The following RNF24 variants were observed in gnomAD, a reference collection of about 807,000 sequenced individuals.
RNF24 encodes the protein ring finger protein 24.
In RNF24, 14 loss-of-function variants were observed where a neutral mutation model predicts 20.0. The observed-to-expected ratio is 0.70, with a 90% CI of 0.46 to 1.10. The LOEUF is 1.10. Ranked by LOEUF, RNF24 falls within the 50% of genes least tolerant of loss-of-function variation. The probability of loss-of-function intolerance (pLI) is 0.00; values close to 1 mark genes in which losing one functional copy is unlikely to be tolerated. For missense variants in RNF24, 124 were observed against 177.6 expected (o/e 0.70, Z 1.71); for synonymous variants, 45 against 61.1 (o/e 0.74, Z 1.23).
rs116881365 is a variant in RNF24, at chr20:3,983,094, T to C, written c.-7-19070A>G. On this transcript the variant is annotated intron_variant, in intron 1 of 5. Coordinates refer to ENST00000358395, the MANE Select transcript of RNF24 (RefSeq NM_001134337.3). ...ATGATGCAGCAGGTACCTTGCCAGATGCCAGTATCTTGATCTTGAACTTCT... is the reference window on the plus strand; with the variant it reads ...ATGATGCAGCAGGTACCTTGCCAGACGCCAGTATCTTGATCTTGAACTTCT... Among the ~76,000 whole-genome samples the C allele has an allele frequency of 2.6e-5, 4 of 152,340 alleles. No individual in the cohort carries two copies. In the East Asian group the frequency reaches 7.7e-4, roughly 29 times the overall value.
Position 4,010,281 on chromosome 20 carries a change from G to A in RNF24, c.-8+5156C>T, listed in dbSNP as rs1982351163. 3.3e-5 allele frequency among the ~76,000 whole-genome samples: 5 copies of A among 152,122 alleles called. No individual in the cohort carries two copies. In the South Asian group the frequency reaches 6.2e-4, roughly 19 times the overall value. Reference sequence around the variant, plus strand: ...CCAGCTACTCGGGAGGCTGAGGCAGGAGAATTGCTTGAACCCGGGAAGCAG... The same window carrying A: ...CCAGCTACTCGGGAGGCTGAGGCAGAAGAATTGCTTGAACCCGGGAAGCAG... On this transcript the variant is annotated intron_variant, in intron 1 of 5. Coordinates refer to ENST00000358395, the MANE Select transcript of RNF24 (RefSeq NM_001134337.3).
intron 1 of RNF24, among the ~76,000 whole-genome samples, chr20:4,003,135 A>G (rs1320589835): frequency 6.6e-6 from 1 of 151,908 alleles, no homozygotes; most frequent in Non-Finnish European, 1.5e-5. Context: ...GCGCCCGGCT[A>G]ATTTTTTTGT....
At chr20:3,992,495 A>C (rs759123908) in intron 1 of RNF24, among the ~76,000 whole-genome samples, 1 of 151,684 alleles carries the variant, frequency 6.6e-6, no homozygotes, top group Non-Finnish European at 1.5e-5. Context: ...ATTTCATCAC[A>C]GGTACCTGGT....
chr20:3,974,224 A>G, intron 1 of RNF24: 1 of 1,103,870 alleles, frequency 9.1e-7, no homozygotes, highest in South Asian at 1.7e-5. Flanking sequence ...CTTCTTCAAC[A>G]TGTTAAAAAG....
At chr20:3,999,638 C>T (rs1210346257) in intron 1 of RNF24, among the ~76,000 whole-genome samples, 1 of 152,162 alleles carries the variant, frequency 6.6e-6, no homozygotes, top group Non-Finnish European at 1.5e-5. Flanking sequence ...CCTGTAATCC[C>T]AGCTACTCAG....
intron 1 of RNF24, among the ~76,000 whole-genome samples, chr20:4,013,744 C>G (rs1272841441): frequency 6.6e-6 from 1 of 152,148 alleles, no homozygotes; most frequent in Non-Finnish European, 1.5e-5. Context: ...CTCGGCCCCC[C>G]AAAGTGCTGG....
intron 4 of RNF24, among the ~76,000 whole-genome samples, chr20:3,944,789 C>T (rs981902523): frequency 2.6e-5 from 4 of 152,198 alleles, no homozygotes; most frequent in Non-Finnish European, 5.9e-5. Flanking sequence ...TCAATCCCTA[C>T]CCCCATGAGA....
In RNF24 at chr20:3,933,135, G is replaced by C. The variant is rs1024087467; in HGVS notation, c.*928C>G. ...GCAAGAGAGAGAAGAGATGGAAGGA[G>C]GGGGAGAGGCCAAAGGGTCGGCATT... On this transcript the variant is annotated 3_prime_UTR_variant, in exon 6 of 6. Coordinates refer to ENST00000358395, the MANE Select transcript of RNF24 (RefSeq NM_001134337.3). 2 of 397,808 alleles carry C rather than the reference G, an allele frequency of 5.0e-6. No homozygotes were observed. Among genetic ancestry groups the C allele is most frequent in the Non-Finnish European group, 4.4e-6 (1 of 225,914 alleles). 24.6% of individuals were successfully genotyped at this position (397,808 alleles called of 1,614,324 possible).
intron 2 of RNF24, among the ~76,000 whole-genome samples, chr20:3,953,570 G>A (rs2091107094): frequency 7.4e-6 from 1 of 135,342 alleles, no homozygotes; most frequent in Non-Finnish European, 1.6e-5. Flanking sequence ...GTTCAAGCAA[G>A]TCCCCTGCCT....
At chr20:3,992,813 T>G (rs551755974) in intron 1 of RNF24, among the ~76,000 whole-genome samples, 1 of 152,346 alleles carries the variant, frequency 6.6e-6, no homozygotes, top group Non-Finnish European at 1.5e-5. Flanking sequence ...AGGCTAGACA[T>G]TGGCTTAAAT....
intron 1 of RNF24, among the ~76,000 whole-genome samples, chr20:3,978,474 G>T (rs1246622456): frequency 1.3e-5 from 2 of 151,978 alleles, no homozygotes; most frequent in Non-Finnish European, 2.9e-5. Context: ...ATTATACATT[G>T]TACACATATA....
intron 1 of RNF24, among the ~76,000 whole-genome samples, chr20:4,014,741 A>G (rs3835373): frequency 0.012 from 969 of 79,194 alleles, 13 homozygotes; most frequent in African/African-American, 0.07. Flanking sequence ...TTGAATGCGC[A>G]CACACACACA....
chr20:3,973,287 G>C (rs530137560), intron 1 of RNF24, among the ~76,000 whole-genome samples: 87 of 151,854 alleles, frequency 5.7e-4, no homozygotes, highest in African/African-American at 2.0e-3. Context: ...GGCAATTCAT[G>C]GTACTAAACG....
chr20:3,965,826 C>A (rs1468817685), intron 1 of RNF24, among the ~76,000 whole-genome samples: 1 of 152,058 alleles, frequency 6.6e-6, no homozygotes, highest in Admixed American at 6.6e-5. Context: ...GGTAAAATAT[C>A]TCTCACCTTA....
intron 1 of RNF24, among the ~76,000 whole-genome samples, chr20:3,976,158 C>T (rs1454306629): frequency 6.6e-6 from 1 of 152,108 alleles, no homozygotes; most frequent in Non-Finnish European, 1.5e-5. Context: ...TTTTAAGGCA[C>T]CCAGTTTATG....
At chr20:3,990,929 A>G (rs1980382796) in intron 1 of RNF24, among the ~76,000 whole-genome samples, 1 of 152,114 alleles carries the variant, frequency 6.6e-6, no homozygotes, top group Non-Finnish European at 1.5e-5. Context: ...TAACATTGCT[A>G]AGTAAAAAAC....
chr20:4,008,420 T>A (rs6052232), intron 1 of RNF24, among the ~76,000 whole-genome samples: 22,545 of 42,112 alleles, frequency 0.54, 7,290 homozygotes, highest in Non-Finnish European at 0.6. Context: ...ATATATATAT[T>A]ATATATAATA....
intron 1 of RNF24, among the ~76,000 whole-genome samples, chr20:4,010,802 C>T (rs909216666): frequency 2.0e-5 from 3 of 152,198 alleles, no homozygotes; most frequent in African/African-American, 7.2e-5. Context: ...AGATGCTGGC[C>T]TGATGGCGCT....
chr20:3,945,571 T>C (rs1251802180), intron 3 of RNF24, among the ~76,000 whole-genome samples: 2 of 151,948 alleles, frequency 1.3e-5, no homozygotes, highest in Admixed American at 1.3e-4. Context: ...AAAAATTAGC[T>C]GGATGTGGTG....
Sources: allele counts gnomAD v4.1 joint callset (sites outside exome capture counted in the v4.1 genomes callset), GRCh38; gene constraint gnomAD v4.1.1; transcripts MANE v1.5; gene names NCBI Gene and HGNC (gene_info 2026-07-23, HGNC 2026-07-21).